Variants in MCTP1 observed in about 807,000 individuals in gnomAD.
MCTP1 encodes the protein multiple C2 and transmembrane domain-containing protein 1.
In MCTP1, 69 loss-of-function variants were observed where a neutral mutation model predicts 120.6. That is an observed-to-expected ratio of 0.57 (90% CI 0.47 to 0.70). The LOEUF is 0.70. Ranked by LOEUF, MCTP1 falls within the 30% of genes least tolerant of loss-of-function variation. MCTP1 has a pLI of 0.00. For synonymous variants in MCTP1, 529 were observed against 493.1 expected, an observed-to-expected ratio of 1.07 and a Z score of -0.96; for missense variants, 1,203 against 1,248.8, an observed-to-expected ratio of 0.96 and a Z score of 0.55.
At chr5:95,153,291 C>T (rs575888279) in intron 1 of MCTP1, among the ~76,000 whole-genome samples, 1 of 152,310 alleles carries the variant, frequency 6.6e-6, no homozygotes, top group Non-Finnish European at 1.5e-5. Flanking sequence ...CGCCCTCCTC[C>T]ATGATTGTAA....
intron 1 of MCTP1, among the ~76,000 whole-genome samples, chr5:95,216,586 GA>G (rs1233911646): frequency 6.6e-6 from 1 of 152,166 alleles, no homozygotes; most frequent in Non-Finnish European, 1.5e-5. Context: ...GCATTCAGAG[GA>G]AATCCCACCA....
intron 1 of MCTP1, among the ~76,000 whole-genome samples, chr5:95,084,627 C>A (rs924225555): frequency 5.3e-5 from 8 of 151,462 alleles, no homozygotes; most frequent in African/African-American, 1.9e-4. Flanking sequence ...AATATATCAA[C>A]AGTCCAATGT....
intron 1 of MCTP1, among the ~76,000 whole-genome samples, chr5:95,238,308 A>G (rs894584086): frequency 3.3e-5 from 5 of 152,108 alleles, no homozygotes; most frequent in Non-Finnish European, 5.9e-5. Context: ...AAATACGTGA[A>G]TCTTTCAGTT....
intron 1 of MCTP1, among the ~76,000 whole-genome samples, chr5:95,244,853 G>C (rs372432400): frequency 6.6e-6 from 1 of 152,190 alleles, no homozygotes; most frequent in African/African-American, 2.4e-5. Flanking sequence ...TCAGCATGGC[G>C]TTTGAGCTCC....
At chr5:95,116,269 A>G (rs941775836) in intron 1 of MCTP1, among the ~76,000 whole-genome samples, 1 of 151,410 alleles carries the variant, frequency 6.6e-6, no homozygotes, top group African/African-American at 2.4e-5. Flanking sequence ...TTATAACACT[A>G]TAACTGTAGT....
At chr5:95,025,948 A>G (rs1839173960) in intron 1 of MCTP1, among the ~76,000 whole-genome samples, 1 of 152,160 alleles carries the variant, frequency 6.6e-6, no homozygotes, top group Non-Finnish European at 1.5e-5. Context: ...TGTGGGAATC[A>G]ACAGAAGGGT....
At chr5:94,795,313 G>T (rs1452770721) in intron 18 of MCTP1, among the ~76,000 whole-genome samples, 1 of 152,108 alleles carries the variant, frequency 6.6e-6, no homozygotes, top group Non-Finnish European at 1.5e-5. Flanking sequence ...CCATTGACTG[G>T]GCTAACACAA....
At chr5:95,023,673 G>T (rs1255578971) in intron 1 of MCTP1, among the ~76,000 whole-genome samples, 1 of 152,176 alleles carries the variant, frequency 6.6e-6, no homozygotes, top group African/African-American at 2.4e-5. Flanking sequence ...AAGAAAATCA[G>T]CAGGCTGATT....
intron 1 of MCTP1, among the ~76,000 whole-genome samples, chr5:95,256,750 C>A (rs1433315107): frequency 6.6e-6 from 1 of 152,028 alleles, no homozygotes. Flanking sequence ...GGAAAGAGAC[C>A]TGGCTTAGTT....
intron 12 of MCTP1, among the ~76,000 whole-genome samples, chr5:94,881,961 A>G (rs907864065): frequency 2.0e-5 from 3 of 152,138 alleles, no homozygotes; most frequent in East Asian, 3.8e-4. Flanking sequence ...CACTCTCAAC[A>G]TTTCACCTTT....
Position 94,912,790 on chromosome 5 carries a change from A to G in MCTP1, c.1521+16T>C. ...CCTTCCAAATATTGACAGGAACACA[A>G]TAGAGACAAGGTTACCTTGCTCTTG... On this transcript the variant is annotated intron_variant, in intron 9 of 22. Coordinates refer to ENST00000515393, the MANE Select transcript of MCTP1 (RefSeq NM_024717.7). 1 of 1,533,464 alleles carries G rather than the reference A, an allele frequency of 6.5e-7. No individual in the cohort carries two copies. The highest frequency in any genetic ancestry group is 1.3e-5 in the South Asian group (1 of 77,676). The allele number at this position is 1,533,464 out of a possible 1,614,324, so 95.0% of individuals were successfully genotyped here.
chr5:95,227,694 A>G (rs1407913316), intron 1 of MCTP1, among the ~76,000 whole-genome samples: 1 of 152,168 alleles, frequency 6.6e-6, no homozygotes, highest in African/African-American at 2.4e-5. Context: ...CTTTCTGAAG[A>G]TGGGGGAGCT....
At chr5:95,116,727 A>C (rs1323516375) in intron 1 of MCTP1, among the ~76,000 whole-genome samples, 1 of 152,018 alleles carries the variant, frequency 6.6e-6, no homozygotes, top group Non-Finnish European at 1.5e-5. Context: ...GGTGGTTTGT[A>C]GTTCTCCTTG....
intron 2 of MCTP1, among the ~76,000 whole-genome samples, chr5:94,953,640 C>T (rs1451359062): frequency 6.6e-6 from 1 of 150,420 alleles, no homozygotes; most frequent in Non-Finnish European, 1.5e-5. Context: ...TGGACATCTA[C>T]CCAAAGGAAA....
chr5:95,206,776 T>C (rs1751670712), intron 1 of MCTP1, among the ~76,000 whole-genome samples: 1 of 152,152 alleles, frequency 6.6e-6, no homozygotes, highest in African/African-American at 2.4e-5. Flanking sequence ...GAACTCGTGA[T>C]CCACCCCCCT....
Position 95,045,072 on chromosome 5 carries a change from C to T in MCTP1, c.721-27588G>A, listed in dbSNP as rs115370692. 6.1e-3 allele frequency among the ~76,000 whole-genome samples: 924 copies of T among 152,290 alleles called. 4 individuals carry two copies. Among genetic ancestry groups the T allele is most frequent in the Admixed American group, 9.8e-3 (150 of 15,284 alleles). On this transcript the variant is annotated intron_variant, in intron 1 of 22. Coordinates refer to ENST00000515393, the MANE Select transcript of MCTP1 (RefSeq NM_024717.7). ...TCACCAACTTCTCCAATTTCACCTC[C>T]AGCTACCTTCCCCCTCACTACACTA...
At chr5:94,982,324 C>A (rs575760466) in intron 2 of MCTP1, among the ~76,000 whole-genome samples, 1 of 151,940 alleles carries the variant, frequency 6.6e-6, no homozygotes, top group East Asian at 1.9e-4. Context: ...GGTACTGATA[C>A]AATAACAACA....
At chr5:95,231,287 C>A (rs1460436839) in intron 1 of MCTP1, among the ~76,000 whole-genome samples, 1 of 151,906 alleles carries the variant, frequency 6.6e-6, no homozygotes, top group African/African-American at 2.4e-5. Context: ...ACCTAAGTAA[C>A]TAATAGCAAT....
At chr5:94,767,673 A>T (rs951784277) in intron 19 of MCTP1, among the ~76,000 whole-genome samples, 2 of 152,164 alleles carry the variant, frequency 1.3e-5, no homozygotes, top group Non-Finnish European at 2.9e-5. Context: ...CTAGCTACAA[A>T]AAAATAAAAT....
Sources: gnomAD v4.1 joint callset for allele counts (sites outside exome capture counted in the v4.1 genomes callset) on GRCh38, gnomAD v4.1.1 for gene constraint, MANE v1.5 for transcripts, NCBI Gene and HGNC (gene_info 2026-07-23, HGNC 2026-07-21) for gene names.